Variants in CNTN4 observed in about 807,000 individuals in gnomAD.
The protein encoded by CNTN4 is contactin 4.
A neutral mutation model predicts 122.5 loss-of-function variants in CNTN4; 77 were observed. The ratio of observed to expected loss-of-function variants is 0.63; its 90% CI spans 0.52 to 0.76. CNTN4 has a LOEUF of 0.76. Among genes scored for constraint, CNTN4 ranks in the 30% least tolerant of loss-of-function variants. The pLI, the probability that CNTN4 is intolerant of heterozygous loss-of-function variation, is 0.00. For missense variants in CNTN4, 1,256 were observed against 1,259.1 expected, an observed-to-expected ratio of 1.00 and a Z score of 0.04; for synonymous variants, 512 against 447.0, an observed-to-expected ratio of 1.15 and a Z score of -1.83.
intron 6 of CNTN4, among the ~76,000 whole-genome samples, chr3:2,783,524 G>C (rs1031580783): frequency 7.2e-5 from 11 of 152,172 alleles, no homozygotes; most frequent in African/African-American, 2.7e-4. Context: ...AGGAGCCAAA[G>C]GAAGTAGTTA....
At chr3:2,808,172 G>A (rs559585818) in intron 6 of CNTN4, among the ~76,000 whole-genome samples, 10 of 152,248 alleles carry the variant, frequency 6.6e-5, no homozygotes, top group South Asian at 4.2e-4. Flanking sequence ...CAATTGTATG[G>A]CTCGTAGATT....
At chr3:2,103,324 C>A (rs941579427) in intron 2 of CNTN4, among the ~76,000 whole-genome samples, 3 of 151,994 alleles carry the variant, frequency 2.0e-5, no homozygotes, top group African/African-American at 7.3e-5. Context: ...CCAAAACATA[C>A]TGGAATGGAA....
chr3:2,609,853 C>G (rs1486857403), intron 4 of CNTN4, among the ~76,000 whole-genome samples: 1 of 151,790 alleles, frequency 6.6e-6, no homozygotes, highest in African/African-American at 2.4e-5. Context: ...TTGATTTGTG[C>G]AACTTTATAT....
At chr3:2,653,619 C>A (rs1370578102) in intron 4 of CNTN4, among the ~76,000 whole-genome samples, 3 of 152,280 alleles carry the variant, frequency 2.0e-5, no homozygotes, top group Non-Finnish European at 4.4e-5. Flanking sequence ...ACTCTTCTTT[C>A]TCCTATTTTC....
intron 10 of CNTN4, among the ~76,000 whole-genome samples, chr3:2,894,795 C>G (rs1012376593): frequency 6.6e-6 from 1 of 151,934 alleles, no homozygotes; most frequent in African/African-American, 2.4e-5. Flanking sequence ...TAAATCGGGC[C>G]CAACAGCCTT....
At chr3:2,408,862 CTG>C (rs2047128619) in intron 3 of CNTN4, among the ~76,000 whole-genome samples, 2 of 152,114 alleles carry the variant, frequency 1.3e-5, no homozygotes, top group African/African-American at 4.8e-5. Flanking sequence ...GATGATGAAA[CTG>C]AGGTCATCCC....
rs115710191 is a variant in CNTN4, at chr3:2,385,034, G to T, written c.-89+45801G>T. On this transcript the variant is annotated intron_variant, in intron 3 of 24. Transcript: ENST00000418658. This position sits in a 1 kb window ranked among gnomAD's most constrained non-coding sequence, Gnocchi z 4.0. Reference sequence around the variant, plus strand: ...AGATCCTCCTTTTCTCTCTTGCTTCGCCTCTTACTCTTCCTTCCTAACTGG... The same window carrying T: ...AGATCCTCCTTTTCTCTCTTGCTTCTCCTCTTACTCTTCCTTCCTAACTGG... Among the ~76,000 whole-genome samples, 1 of 151,692 alleles carries T rather than the reference G, an allele frequency of 6.6e-6. No homozygotes were observed. Among genetic ancestry groups the T allele is most frequent in the Non-Finnish European group, 1.5e-5 (1 of 67,956 alleles).
chr3:2,164,855 A>C (rs2036128271), intron 2 of CNTN4, among the ~76,000 whole-genome samples: 1 of 151,974 alleles, frequency 6.6e-6, no homozygotes, highest in African/African-American at 2.4e-5. Context: ...TGTACTGTTT[A>C]AAAAAAACAA....
rs58232281 is a variant in CNTN4 at position 2,896,931 on chromosome 3, G to GTT, written c.941-3737_941-3736dup. Among the ~76,000 whole-genome samples, 739 of 118,046 alleles carry GTT rather than the reference G, an allele frequency of 6.3e-3. 10 individuals are homozygous for GTT. Among genetic ancestry groups the GTT allele is most frequent in the African/African-American group, 0.017 (530 of 32,084 alleles). 77.4% of individuals were successfully genotyped at this position (118,046 alleles called of 152,430 possible). ...CATCTTTGTAATAGTAATTTAGAGGGTTTTTTTTTTTTTTTTTTGCTATCA... is the reference window on the plus strand; with the variant it reads ...CATCTTTGTAATAGTAATTTAGAGGGTTTTTTTTTTTTTTTTTTTTGCTATCA... On this transcript the variant is annotated intron_variant, in intron 10 of 24. Transcript: ENST00000418658.
intron 3 of CNTN4, among the ~76,000 whole-genome samples, chr3:2,488,005 C>G (rs527326628): frequency 2.0e-5 from 3 of 152,180 alleles, no homozygotes; most frequent in Non-Finnish European, 4.4e-5. Flanking sequence ...TAAGACACTT[C>G]TAGTTTCTCC....
chr3:2,637,822 A>G (rs2082731057), intron 4 of CNTN4, among the ~76,000 whole-genome samples: 1 of 152,098 alleles, frequency 6.6e-6, no homozygotes, highest in African/African-American at 2.4e-5. Flanking sequence ...TGTATTTTCT[A>G]CATTTCTAAC....
At chr3:2,456,052 A>G (rs2048987120) in intron 3 of CNTN4, among the ~76,000 whole-genome samples, 1 of 152,070 alleles carries the variant, frequency 6.6e-6, no homozygotes, top group Admixed American at 6.6e-5. Context: ...GGCATTTATA[A>G]TCTCTGTTGT....
chr3:2,099,262 TCTC>T (rs1463930988), intron 1 of CNTN4: 3 of 152,248 alleles, frequency 2.0e-5, no homozygotes, highest in Non-Finnish European at 4.4e-5. Context: ...CGACCCTTCT[TCTC>T]CTTCTCAGCC....
chr3:2,709,450 T>C lies in CNTN4; in HGVS notation c.56-26765T>C, dbSNP rs913492812. On this transcript the variant is annotated intron_variant, in intron 4 of 24. Coordinates refer to ENST00000418658, the MANE Select transcript of CNTN4 (RefSeq NM_175607.3). The surrounding 1 kb of genome is among the most constrained non-coding windows in gnomAD (Gnocchi z 5.0). ...AAAGTTCCCTCAGGTGATCATCGTG[T>C]GCAATGGGGGATGGGAACTACTGAA... Among the ~76,000 whole-genome samples, 45 of 152,106 alleles carry C rather than the reference T, an allele frequency of 3.0e-4. No individual in the cohort carries two copies. Among genetic ancestry groups the C allele is most frequent in the African/African-American group, 1.1e-3 (45 of 41,422 alleles).
At chr3:2,307,754 A>G (rs894269151) in intron 2 of CNTN4, among the ~76,000 whole-genome samples, 1 of 152,106 alleles carries the variant, frequency 6.6e-6, no homozygotes, top group African/African-American at 2.4e-5. Context: ...ATCTTGCTTT[A>G]CTTGAATAAT....
intron 6 of CNTN4, among the ~76,000 whole-genome samples, chr3:2,779,410 G>A (rs2091481418): frequency 6.6e-6 from 1 of 152,148 alleles, no homozygotes; most frequent in Admixed American, 6.5e-5. Context: ...TGTTGCCCAG[G>A]CTGGTCTTGA....
At chr3:2,822,767 T>C (rs570101298) in intron 7 of CNTN4, among the ~76,000 whole-genome samples, 1 of 152,120 alleles carries the variant, frequency 6.6e-6, no homozygotes, top group Non-Finnish European at 1.5e-5. Context: ...CACAGAGAAA[T>C]AGATTAAAAA....
intron 18 of CNTN4, among the ~76,000 whole-genome samples, chr3:3,038,096 A>G (rs1699779801): frequency 6.6e-6 from 1 of 152,186 alleles, no homozygotes; most frequent in South Asian, 2.1e-4. Context: ...ATCTAGATCT[A>G]TTTGATTGGC....
At chr3:2,745,371 C>A in intron 5 of CNTN4, 151 bp from the exon 6 acceptor site, 1 of 668,892 alleles carries the variant, frequency 1.5e-6, no homozygotes, top group Admixed American at 2.5e-5. Flanking sequence ...GTCACCATTG[C>A]TGGGTAGAGC....
Sources: allele counts gnomAD v4.1 joint callset (sites outside exome capture counted in the v4.1 genomes callset), GRCh38; gene constraint gnomAD v4.1.1; non-coding constraint Gnocchi (gnomAD v3.1); transcripts MANE v1.5; gene names NCBI Gene and HGNC (gene_info 2026-07-23, HGNC 2026-07-21).